Variants in RBPJ observed in about 807,000 individuals in gnomAD.
RBPJ encodes the protein recombining binding protein suppressor of hairless.
RBPJ carries 9 observed loss-of-function variants against 67.8 expected under a neutral mutation model. That is an observed-to-expected ratio of 0.13 (90% confidence interval 0.08 to 0.23). The LOEUF (loss-of-function observed/expected upper bound fraction) is 0.23, where lower values mean the gene tolerates loss of function less well. RBPJ is among the 10% of genes least tolerant of loss of function. The probability of loss-of-function intolerance (pLI) is 1.00; values close to 1 mark genes in which losing one functional copy is unlikely to be tolerated. For missense variants in RBPJ, 305 were observed against 595.6 expected (o/e 0.51, Z 5.08); for synonymous variants, 198 against 203.3 (o/e 0.97, Z 0.22).
In RBPJ at chr4:26,207,989, A is replaced by G. The variant is rs182499560; in HGVS notation, c.-167+44375A>G. The stretch of plus-strand genomic sequence containing the variant: ...AGACACTGTTTCCTATGGTCCTCAC[A>G]ATTGCCCTGCCAGATGGGCAGCAAT... On this transcript the variant is annotated intron_variant, in intron 1 of 4. Transcript: ENST00000512351. Among the ~76,000 whole-genome samples the G allele has an allele frequency of 1.9e-4, 29 of 152,318 alleles. No individual in the cohort carries two copies. In the East Asian group the frequency reaches 5.6e-3, roughly 29 times the overall value.
chr4:26,191,706 C>T (rs931130204), intron 1 of RBPJ, among the ~76,000 whole-genome samples: 1 of 152,180 alleles, frequency 6.6e-6, no homozygotes, highest in African/African-American at 2.4e-5. Flanking sequence ...ACCAGGGAAG[C>T]TCATTAGAGA....
chr4:26,150,440 C>T, the RBPJ span, among the ~76,000 whole-genome samples: 1 of 152,330 alleles, frequency 6.6e-6, no homozygotes. Context: ...GCTTTGCCTA[C>T]ACTCTGCATA....
chr4:26,242,556 A>G (rs1303015907), intron 1 of RBPJ, among the ~76,000 whole-genome samples: 1 of 152,100 alleles, frequency 6.6e-6, no homozygotes, highest in Non-Finnish European at 1.5e-5. Context: ...CTATCTCCAT[A>G]CCAAGATGCT....
At chr4:26,224,917 G>A (rs1018594200) in intron 1 of RBPJ, among the ~76,000 whole-genome samples, 4 of 152,070 alleles carry the variant, frequency 2.6e-5, no homozygotes, top group African/African-American at 9.7e-5. Context: ...TACTCACCCA[G>A]CCCCAAAGAG....
rs1013068207 is a variant in RBPJ, at chr4:26,253,385, C to T, written c.-167+89771C>T. Among the ~76,000 whole-genome samples the T allele has an allele frequency of 6.4e-5, 9 of 141,258 alleles. No individual in the cohort carries two copies. In the South Asian group the frequency reaches 2.0e-3, roughly 31 times the overall value. The allele number at this position is 141,258 out of a possible 152,430, so 92.7% of individuals were successfully genotyped here. ...GGAGTGCAGTGGCGCAATCTCGGCT[C>T]ACTGCAAGCTCCGCCTTCCGGGTTC... On this transcript the variant is annotated intron_variant, in intron 1 of 4. Coordinates refer to the RBPJ transcript ENST00000512351.
At chr4:26,240,682 C>A (rs1316901552) in intron 1 of RBPJ, among the ~76,000 whole-genome samples, 1 of 152,194 alleles carries the variant, frequency 6.6e-6, no homozygotes, top group African/African-American at 2.4e-5. Context: ...TGAACCCATA[C>A]TGCATTCCAG....
At chr4:26,300,466 G>A (rs1269872330) in intron 1 of RBPJ, among the ~76,000 whole-genome samples, 2 of 152,164 alleles carry the variant, frequency 1.3e-5, no homozygotes, top group African/African-American at 4.8e-5. Context: ...TGTAAATGTT[G>A]TTGTATTGTT....
intron 1 of RBPJ, among the ~76,000 whole-genome samples, chr4:26,310,424 G>A (rs1395674638): frequency 6.6e-6 from 1 of 152,190 alleles, no homozygotes; most frequent in Non-Finnish European, 1.5e-5. Context: ...TCTAACATGG[G>A]CTATCAGCAG....
chr4:26,228,169 G>A (rs1482413512), intron 1 of RBPJ, among the ~76,000 whole-genome samples: 1 of 152,198 alleles, frequency 6.6e-6, no homozygotes, highest in African/African-American at 2.4e-5. Context: ...CTGCCACAGG[G>A]GTTTATTTGT....
chr4:26,191,249 A>G lies in RBPJ; in HGVS notation c.-167+27635A>G, dbSNP rs1396217346. 4.9e-4 allele frequency among the ~76,000 whole-genome samples: 63 copies of G among 129,148 alleles called. 1 individual carries two copies. The highest frequency in any genetic ancestry group is 1.9e-3 in the African/African-American group (61 of 32,506). 84.7% of individuals were successfully genotyped at this position (129,148 alleles called of 152,430 possible). A position where few individuals can be genotyped will look rare whatever the true frequency, so the allele number is the denominator to read the frequency against. On this transcript the variant is annotated intron_variant, in intron 1 of 4. Transcript: ENST00000512351. The stretch of plus-strand genomic sequence containing the variant: ...GAGAGAGAGAGAGAGAGATAGAGAG[A>G]GAGAGAGGGAGAGAGGGAGAGAGAG...
intron 1 of RBPJ, among the ~76,000 whole-genome samples, chr4:26,306,525 C>T (rs1722245502): frequency 6.6e-6 from 1 of 151,946 alleles, no homozygotes; most frequent in Admixed American, 6.6e-5. Flanking sequence ...TCTCCGCTCA[C>T]TGCAACCTCC....
chr4:26,415,090 A>C (rs1171079875), intron 3 of RBPJ, among the ~76,000 whole-genome samples: 4 of 152,206 alleles, frequency 2.6e-5, no homozygotes, highest in African/African-American at 9.6e-5. Flanking sequence ...TGTCATTTTG[A>C]ATAGGCCTTA....
Position 26,433,909 on chromosome 4 carries a change from C to T in RBPJ, c.*2902C>T, listed in dbSNP as rs1420731901. 1 of 152,126 alleles carries T rather than the reference C, an allele frequency of 6.6e-6. No homozygotes were observed. The highest frequency in any genetic ancestry group is 1.5e-5 in the Non-Finnish European group (1 of 68,018). The allele number at this position is 152,126 out of a possible 1,614,324, so 9.4% of individuals were successfully genotyped here. A position where few individuals can be genotyped will look rare whatever the true frequency, so the allele number is the denominator to read the frequency against. ...GACTCTCTTATTAGAATGGTGAGTG[C>T]TTCAGTTATAGTATGTTTGAATTTT... On this transcript the variant is annotated 3_prime_UTR_variant, in exon 11 of 11. Transcript: ENST00000355476.
At chr4:26,204,330 G>A (rs1560209261) in intron 1 of RBPJ, among the ~76,000 whole-genome samples, 1 of 152,176 alleles carries the variant, frequency 6.6e-6, no homozygotes, top group African/African-American at 2.4e-5. Flanking sequence ...TCTAGCAGAG[G>A]AAGTTGTCCC....
chr4:26,406,268 A>G lies in RBPJ; in HGVS notation c.153A>G (p.Lys51=). The G allele has an allele frequency of 6.3e-7, 1 of 1,590,274 alleles. No homozygotes were observed. The part of the protein sequence containing the change: ...KVAQKSYGNE[K]RFFCPPPCVY... ...CACAGAAGTCATATGGAAATGAAAA[A>G]AGGTAAGATTATTTTTCTGGTGGAT... is the stretch of plus-strand genomic sequence containing the variant. The change falls in exon 3 of 11, where the codon AAA becomes AAG. Residue 51 remains lysine (K), a splice_region_variant and synonymous_variant. Coordinates refer to ENST00000355476, the MANE Select transcript of RBPJ (RefSeq NM_015874.6).
chr4:26,136,758 A>T, the RBPJ span, among the ~76,000 whole-genome samples: 4 of 152,168 alleles, frequency 2.6e-5, no homozygotes, highest in African/African-American at 4.8e-5. Flanking sequence ...AAACACTTTC[A>T]CATATGAATC....
chr4:26,339,203 C>G (rs138894293), intron 1 of RBPJ, among the ~76,000 whole-genome samples: 89 of 152,160 alleles, frequency 5.8e-4, no homozygotes, highest in East Asian at 2.1e-3. Flanking sequence ...GTGTTTAGTA[C>G]CCAGGAGGTC....
At chr4:26,344,246 T>A (rs1725879531) in intron 1 of RBPJ, among the ~76,000 whole-genome samples, 1 of 152,084 alleles carries the variant, frequency 6.6e-6, no homozygotes, top group Non-Finnish European at 1.5e-5. Flanking sequence ...TTATTTTTTA[T>A]TTTTTTGAGA....
intron 1 of RBPJ, among the ~76,000 whole-genome samples, chr4:26,168,784 TTC>T (rs1450720203): frequency 6.6e-6 from 1 of 152,174 alleles, no homozygotes; most frequent in Non-Finnish European, 1.5e-5. Flanking sequence ...TTATTCTTTT[TTC>T]TCTAAACTTC....
Sources: gnomAD v4.1 joint callset for allele counts (sites outside exome capture counted in the v4.1 genomes callset) on GRCh38, gnomAD v4.1.1 for gene constraint, MANE v1.5 for transcripts, NCBI Gene and HGNC (gene_info 2026-07-23, HGNC 2026-07-21) for gene names.